Variants in IL1RAPL1 observed in about 807,000 individuals in gnomAD.
IL1RAPL1 encodes interleukin-1 receptor accessory protein-like 1.
Under a neutral mutation model 48.4 loss-of-function variants are expected in IL1RAPL1, and 3 were observed. The ratio of observed to expected loss-of-function variants is 0.06; its 90% CI spans 0.03 to 0.16. The LOEUF is 0.16. Among genes scored for constraint, IL1RAPL1 ranks in the 10% least tolerant of loss-of-function variants. The pLI is 1.00. For missense variants in IL1RAPL1, 349 were observed against 530.6 expected, an observed-to-expected ratio of 0.66 and a Z score of 3.36; for synonymous variants, 185 against 187.7, an observed-to-expected ratio of 0.99 and a Z score of 0.12.
At chrX:29,622,312 T>C (rs1279911418) in intron 5 of IL1RAPL1, among the ~76,000 whole-genome samples, 1 of 112,410 alleles carries the variant, frequency 8.9e-6, no homozygotes, top group Non-Finnish European at 1.9e-5. Flanking sequence ...CTTCTGACAA[T>C]TCATTGTTTT....
rs1011695335 is a variant in IL1RAPL1, at chrX:29,915,008, A to C, written c.779-2456A>C. On this transcript the variant is annotated intron_variant, in intron 6 of 10. Transcript: ENST00000378993. ...TCATCAGTGATGACTATCACATAAA[A>C]AATCCGGCTGGACGTGGTGGCTCAC... Among the ~76,000 whole-genome samples the C allele has an allele frequency of 4.6e-5, 5 of 107,563 alleles. No homozygotes were observed. The South Asian group carries it at 1.8e-3, about 40-fold the overall frequency. 93.4% of individuals were successfully genotyped at this position (107,563 alleles called of 115,157 possible).
rs187828782 is a variant in IL1RAPL1, at chrX:29,225,719, C to G, written c.83-57219C>G. The stretch of plus-strand genomic sequence containing the variant: ...GGCCACCTGTGTTTGCTAATGGTAC[C>G]TTATCAAAGTTAGGCTCCTACACTC... On this transcript the variant is annotated intron_variant, in intron 2 of 10. Transcript: ENST00000378993. 3.6e-5 allele frequency among the ~76,000 whole-genome samples: 4 copies of G among 111,316 alleles called. No individual in the cohort carries two copies. In the Admixed American group the frequency reaches 3.8e-4, roughly 11 times the overall value.
At chrX:29,406,897 G>A (rs964594933) in intron 5 of IL1RAPL1, among the ~76,000 whole-genome samples, 4 of 111,441 alleles carry the variant, frequency 3.6e-5, no homozygotes, top group African/African-American at 1.3e-4. Context: ...AAGTCATTAC[G>A]TTTTTTGTTG....
chrX:29,692,530 A>G (rs148063434), intron 6 of IL1RAPL1, among the ~76,000 whole-genome samples: 1,806 of 111,715 alleles, frequency 0.016, 41 homozygotes, highest in African/African-American at 0.056. Context: ...TTTTTCTAAT[A>G]CGTATTTGTA....
chrX:29,670,823 G>A (rs1446539077), intron 6 of IL1RAPL1, among the ~76,000 whole-genome samples: 1 of 111,978 alleles, frequency 8.9e-6, no homozygotes, highest in East Asian at 2.8e-4. Context: ...GGGACTGAGT[G>A]AAGAGTCACG....
intron 5 of IL1RAPL1, among the ~76,000 whole-genome samples, chrX:29,436,513 G>A: frequency 9.2e-6 from 1 of 109,287 alleles, no homozygotes; most frequent in Non-Finnish European, 1.9e-5. Context: ...AAATACAAAA[G>A]AATATAAACA....
At chrX:29,171,573 CACTTT>C (rs1414394127) in intron 2 of IL1RAPL1, among the ~76,000 whole-genome samples, 1 of 111,373 alleles carries the variant, frequency 9.0e-6, no homozygotes. Flanking sequence ...AAAAAAGTAA[CACTTT>C]ATAAGGCAAA....
chrX:28,617,350 A>G (rs1002029084), intron 1 of IL1RAPL1, among the ~76,000 whole-genome samples: 11 of 111,479 alleles, frequency 9.9e-5, no homozygotes, highest in Non-Finnish European at 1.9e-5. Flanking sequence ...ACTGTTCTCT[A>G]CAGTTTCTAA....
chrX:29,626,245 AT>A (rs763823029), intron 5 of IL1RAPL1, among the ~76,000 whole-genome samples: 1 of 112,081 alleles, frequency 8.9e-6, no homozygotes, highest in South Asian at 3.7e-4. Context: ...AATGCCTGCT[AT>A]TTTATTAGCC....
chrX:29,342,112 T>G (rs775093179), intron 3 of IL1RAPL1, among the ~76,000 whole-genome samples: 11 of 87,670 alleles, frequency 1.3e-4, no homozygotes, highest in African/African-American at 4.7e-4. Context: ...CGGCCTTGTT[T>G]TGTGTGTGTG....
At chrX:28,602,266 C>T (rs1253078258) in intron 1 of IL1RAPL1, among the ~76,000 whole-genome samples, 2 of 110,996 alleles carry the variant, frequency 1.8e-5, no homozygotes, top group Non-Finnish European at 3.8e-5. Flanking sequence ...GAGAGTCCAA[C>T]ATTTCTATAT....
At chrX:29,453,029 A>G (rs1217192127) in intron 5 of IL1RAPL1, among the ~76,000 whole-genome samples, 2 of 102,877 alleles carry the variant, frequency 1.9e-5, no homozygotes, top group Non-Finnish European at 3.9e-5. Flanking sequence ...GGTTCAAGCA[A>G]TTCTCCTGCC....
chrX:29,529,599 CA>C (rs59465203), intron 5 of IL1RAPL1, among the ~76,000 whole-genome samples: 1,898 of 77,387 alleles, frequency 0.025, 47 homozygotes, highest in African/African-American at 0.075. Context: ...GCCTCTGTCT[CA>C]AAAAAAAAAA....
intron 2 of IL1RAPL1, among the ~76,000 whole-genome samples, chrX:28,790,653 G>A (rs1936526874): frequency 8.9e-6 from 1 of 112,152 alleles, no homozygotes; most frequent in South Asian, 3.8e-4. Flanking sequence ...TATAGGCAAC[G>A]TGAAAAAAAT....
At chrX:28,709,896 A>G (rs73630073) in intron 1 of IL1RAPL1, among the ~76,000 whole-genome samples, 2,089 of 111,384 alleles carry the variant, frequency 0.019, 45 homozygotes, top group African/African-American at 0.065. Flanking sequence ...ACGTACTTAT[A>G]CTGTATTGTT....
chrX:29,863,237 TAAAC>T (rs1377754823), intron 6 of IL1RAPL1, among the ~76,000 whole-genome samples: 2 of 112,014 alleles, frequency 1.8e-5, no homozygotes, highest in African/African-American at 6.5e-5. Context: ...GAATAAATAT[TAAAC>T]AATAATAATG....
chrX:29,610,647 C>T (rs1375675992), intron 5 of IL1RAPL1, among the ~76,000 whole-genome samples: 1 of 112,269 alleles, frequency 8.9e-6, no homozygotes, highest in South Asian at 3.7e-4. Flanking sequence ...GTTAACCTGA[C>T]GGTGAAACTG....
intron 3 of IL1RAPL1, among the ~76,000 whole-genome samples, chrX:29,320,908 CATTATT>C (rs745894984): frequency 1.8e-5 from 2 of 110,873 alleles, no homozygotes; most frequent in Non-Finnish European, 1.9e-5. Context: ...AACTCATTAT[CATTATT>C]ATTATTAATA....
At chrX:28,698,072 G>A (rs1310760364) in intron 1 of IL1RAPL1, among the ~76,000 whole-genome samples, 1 of 111,398 alleles carries the variant, frequency 9.0e-6, no homozygotes, top group Admixed American at 9.7e-5. Context: ...ACAAGCAAAA[G>A]CTCATAGCTG....
Sources: allele counts gnomAD v4.1 joint callset (sites outside exome capture counted in the v4.1 genomes callset), GRCh38; gene constraint gnomAD v4.1.1; transcripts MANE v1.5; gene names NCBI Gene and HGNC (gene_info 2026-07-23, HGNC 2026-07-21).